The following KCNN3 variants were observed in gnomAD, a reference collection of about 807,000 sequenced individuals.
The protein encoded by KCNN3 is small conductance calcium-activated potassium channel protein 3.
Under a neutral mutation model 62.9 loss-of-function variants are expected in KCNN3, and 16 were observed. The observed-to-expected ratio is 0.25, with a 90% CI of 0.17 to 0.39. The LOEUF (loss-of-function observed/expected upper bound fraction) is 0.39, where lower values mean the gene tolerates loss of function less well. KCNN3 is among the 10% of genes least tolerant of loss of function. The pLI is 1.00. For missense variants in KCNN3, 599 were observed against 949.4 expected (o/e 0.63, Z 4.85); for synonymous variants, 370 against 389.2 (o/e 0.95, Z 0.58).
At chr1:154,777,089 C>T (rs772191162) in intron 2 of KCNN3, among the ~76,000 whole-genome samples, 6 of 152,220 alleles carry the variant, frequency 3.9e-5, no homozygotes, top group South Asian at 2.1e-4. Flanking sequence ...CCACTTACTG[C>T]GTGCCCCTGG....
chr1:154,771,668 A>C (rs1648565248), intron 3 of KCNN3, among the ~76,000 whole-genome samples: 1 of 152,254 alleles, frequency 6.6e-6, no homozygotes, highest in African/African-American at 2.4e-5. Flanking sequence ...AAGAGGAGTA[A>C]GTTGCAATGT....
At chr1:154,816,398 C>T (rs540774589) in intron 2 of KCNN3, among the ~76,000 whole-genome samples, 1 of 152,348 alleles carries the variant, frequency 6.6e-6, no homozygotes, top group African/African-American at 2.4e-5. Flanking sequence ...ATGAACTCTG[C>T]CACTGCTCTG....
chr1:154,757,505 C>G (rs554508174), intron 3 of KCNN3, among the ~76,000 whole-genome samples: 1 of 152,280 alleles, frequency 6.6e-6, no homozygotes, highest in South Asian at 2.1e-4. Flanking sequence ...GAGCATGGGG[C>G]TATAGAATGG....
chr1:154,763,207 A>T (rs952059026), intron 3 of KCNN3, among the ~76,000 whole-genome samples: 1 of 152,076 alleles, frequency 6.6e-6, no homozygotes, highest in Admixed American at 6.5e-5. Flanking sequence ...TCTCAATTAA[A>T]TTTATATTTT....
At chr1:154,738,700 G>A (rs1700765059) in intron 3 of KCNN3, among the ~76,000 whole-genome samples, 1 of 152,206 alleles carries the variant, frequency 6.6e-6, no homozygotes, top group South Asian at 2.1e-4. Flanking sequence ...AACTTAATGT[G>A]CCTGAACATC....
At chr1:154,752,596 A>G (rs1647429931) in intron 3 of KCNN3, among the ~76,000 whole-genome samples, 1 of 152,174 alleles carries the variant, frequency 6.6e-6, no homozygotes, top group Admixed American at 6.5e-5. Context: ...TGCTTACTTC[A>G]CAGAGTGCTG....
At chr1:154,852,573 G>A (rs535067309) in intron 1 of KCNN3, among the ~76,000 whole-genome samples, 9 of 152,104 alleles carry the variant, frequency 5.9e-5, no homozygotes, top group African/African-American at 2.2e-4. Flanking sequence ...TATCTCCAAT[G>A]AAAACTTAAT....
At chr1:154,788,388 T>C (rs1174251717) in intron 2 of KCNN3, among the ~76,000 whole-genome samples, 1 of 152,250 alleles carries the variant, frequency 6.6e-6, no homozygotes, top group East Asian at 1.9e-4. Flanking sequence ...CTCATTAGCA[T>C]ATTAAAGCTT....
intron 3 of KCNN3, among the ~76,000 whole-genome samples, chr1:154,734,968 C>T (rs2101795159): frequency 7.3e-6 from 1 of 137,756 alleles, no homozygotes; most frequent in Middle Eastern, 3.6e-3. Context: ...AGGAGAGCAC[C>T]TGGGCTCCAG....
At chr1:154,766,416 T>TTAAATATATATATATATATATATATATC (rs1553231995) in intron 3 of KCNN3, among the ~76,000 whole-genome samples, 1 of 71,812 alleles carries the variant, frequency 1.4e-5, no homozygotes, top group Non-Finnish European at 2.8e-5. Context: ...TAGCCAGGCT[T>TTAAATATATATATATATATATATATATC]TATATATATA....
intron 3 of KCNN3, among the ~76,000 whole-genome samples, chr1:154,751,172 C>T (rs961911084): frequency 6.6e-6 from 1 of 152,178 alleles, no homozygotes; most frequent in Non-Finnish European, 1.5e-5. Context: ...GCCCAACTCG[C>T]GGTGTGAGTC....
At chr1:154,760,007 C>A (rs748177863) in intron 3 of KCNN3, among the ~76,000 whole-genome samples, 9 of 151,138 alleles carry the variant, frequency 6.0e-5, no homozygotes, top group African/African-American at 1.2e-4. Context: ...TCCTCTCTTT[C>A]TTTTCCTTCT....
At chr1:154,756,708 A>AT (rs894133392) in intron 3 of KCNN3, among the ~76,000 whole-genome samples, 12 of 151,800 alleles carry the variant, frequency 7.9e-5, no homozygotes, top group African/African-American at 2.2e-4. Flanking sequence ...AATGCCATAA[A>AT]TTTTTTTTTA....
At chr1:154,837,508 T>G (rs1194729723) in intron 1 of KCNN3, among the ~76,000 whole-genome samples, 2 of 152,100 alleles carry the variant, frequency 1.3e-5, no homozygotes, top group Non-Finnish European at 2.9e-5. Context: ...CTCCTCCTCC[T>G]GGTTCCTCAC....
At chr1:154,739,811 G>C (rs1477711967) in intron 3 of KCNN3, among the ~76,000 whole-genome samples, 1 of 152,388 alleles carries the variant, frequency 6.6e-6, no homozygotes, top group Non-Finnish European at 1.5e-5. Flanking sequence ...AGCCCGTGGA[G>C]TGCCACATGG....
chr1:154,736,965 C>T (rs1370276935), intron 3 of KCNN3: 2 of 695,640 alleles, frequency 2.9e-6, no homozygotes, highest in South Asian at 1.5e-5. Context: ...ACGGAAGATG[C>T]TGAGATGAAT....
intron 2 of KCNN3, among the ~76,000 whole-genome samples, chr1:154,780,655 A>C (rs1649003812): frequency 6.6e-6 from 1 of 151,194 alleles, no homozygotes; most frequent in Admixed American, 6.6e-5. Flanking sequence ...TTCTGCATGT[A>C]CACCATTACT....
At chr1:154,714,620 TG>T (rs1700194414) in intron 6 of KCNN3, among the ~76,000 whole-genome samples, 1 of 136,892 alleles carries the variant, frequency 7.3e-6, no homozygotes, top group Non-Finnish European at 1.6e-5. Flanking sequence ...GTGGTGTGTG[TG>T]TGTGTGTGTG....
At chr1:154,821,195 G>A (rs747981839) in intron 2 of KCNN3, among the ~76,000 whole-genome samples, 3 of 152,122 alleles carry the variant, frequency 2.0e-5, no homozygotes, top group Non-Finnish European at 4.4e-5. Context: ...CAGTTTTTCT[G>A]ACTCTGAGCT....
Sources: gnomAD v4.1 joint callset for allele counts (sites outside exome capture counted in the v4.1 genomes callset) on GRCh38, gnomAD v4.1.1 for gene constraint, MANE v1.5 for transcripts, NCBI Gene and HGNC (gene_info 2026-07-23, HGNC 2026-07-21) for gene names.